Variants in PIK3CA observed in about 807,000 individuals in gnomAD.
The protein encoded by PIK3CA is phosphatidylinositol 4,5-bisphosphate 3-kinase catalytic subunit alpha isoform.
A neutral mutation model predicts 138.2 loss-of-function variants in PIK3CA; 27 were observed. That is an observed-to-expected ratio of 0.20 (90% confidence interval 0.14 to 0.27). The LOEUF (loss-of-function observed/expected upper bound fraction) is 0.27, where lower values mean the gene tolerates loss of function less well. Ranked by LOEUF, PIK3CA falls within the 10% of genes least tolerant of loss-of-function variation. PIK3CA has a pLI of 1.00. For missense variants in PIK3CA, 544 were observed against 1,277.4 expected (o/e 0.43, Z 8.75); for synonymous variants, 358 against 413.2 (o/e 0.87, Z 1.62).
At chr3:179,222,253 A>T (rs910463250) in intron 14 of PIK3CA, among the ~76,000 whole-genome samples, 2 of 152,196 alleles carry the variant, frequency 1.3e-5, no homozygotes, top group African/African-American at 4.8e-5. Context: ...AAAAAATTAA[A>T]ACAAAGTTAT....
intron 1 of PIK3CA, among the ~76,000 whole-genome samples, chr3:179,191,108 A>C (rs896227994): frequency 1.3e-5 from 2 of 152,186 alleles, no homozygotes; most frequent in Non-Finnish European, 2.9e-5. Context: ...CCGTCTTGAT[A>C]AGGGAAACTT....
chr3:179,226,116 A>G, intron 17 of PIK3CA, 76 bp downstream of exon 17: 4 of 760,708 alleles, frequency 5.3e-6, no homozygotes, highest in Admixed American at 2.0e-5. Context: ...ATAGAAGCAT[A>G]TAGAGGCATA....
At chr3:179,222,544 C>T (rs1724991730) in intron 14 of PIK3CA, among the ~76,000 whole-genome samples, 1 of 152,108 alleles carries the variant, frequency 6.6e-6, no homozygotes, top group South Asian at 2.1e-4. Context: ...TTGAAAATAT[C>T]GTACAGGCAA....
chr3:179,202,964 G>A (rs1476377199), intron 4 of PIK3CA, among the ~76,000 whole-genome samples: 2 of 131,798 alleles, frequency 1.5e-5, no homozygotes, highest in African/African-American at 2.9e-5. Flanking sequence ...TTTTTGAGAC[G>A]GAGTCTTGCT....
intron 1 of PIK3CA, among the ~76,000 whole-genome samples, chr3:179,187,185 C>T (rs1576926278): frequency 6.6e-6 from 1 of 152,052 alleles, no homozygotes; most frequent in Non-Finnish European, 1.5e-5. Flanking sequence ...AAGCCTGAAA[C>T]AGTAAGTTCT....
intron 1 of PIK3CA, among the ~76,000 whole-genome samples, chr3:179,150,102 T>A (rs1011613507): frequency 2.0e-5 from 3 of 152,102 alleles, no homozygotes; most frequent in Non-Finnish European, 2.9e-5. Context: ...TGGAAATTTT[T>A]AATTATCAGA....
chr3:179,151,373 T>C (rs1308713273), intron 1 of PIK3CA, among the ~76,000 whole-genome samples: 2 of 152,172 alleles, frequency 1.3e-5, no homozygotes, highest in Non-Finnish European at 2.9e-5. Flanking sequence ...CTGAAGAAAT[T>C]AGGGCCCAAG....
chr3:179,219,669 T>C lies in PIK3CA; in HGVS notation c.1845T>C (p.Ala615=). The change falls in exon 12 of 21, where the codon GCT becomes GCC. Residue 615 remains alanine (A), a synonymous_variant. Coordinates refer to ENST00000263967, the MANE Select transcript of PIK3CA (RefSeq NM_006218.4). The surrounding 1 kb of genome is among the most constrained non-coding windows in gnomAD (Gnocchi z 4.2). ...NYPDPMVRGF[A]VRCLEKYLTD... is the part of the protein sequence containing the mutation. ...CAGATCCTATGGTTCGAGGTTTTGC[T>C]GTTCGGTGCTTGGAAAAATATTTAA... 1.2e-6 allele frequency: 2 copies of C among 1,612,036 alleles called. No individual in the cohort carries two copies. The highest frequency in any genetic ancestry group is 1.7e-6 in the Non-Finnish European group (2 of 1,178,462).
chr3:179,193,544 G>A (rs557032796), intron 1 of PIK3CA, among the ~76,000 whole-genome samples: 1 of 152,320 alleles, frequency 6.6e-6, no homozygotes, highest in Non-Finnish European at 1.5e-5. Context: ...CAATAATCCT[G>A]AAGAGTTTTG....
At chr3:179,154,320 T>C (rs934226999) in intron 1 of PIK3CA, among the ~76,000 whole-genome samples, 1 of 152,120 alleles carries the variant, frequency 6.6e-6, no homozygotes, top group Non-Finnish European at 1.5e-5. Flanking sequence ...CTCTGCCTGT[T>C]GTCGGAGCAG....
Position 179,199,881 on chromosome 3 carries a change from T to C in PIK3CA, c.544T>C (p.Tyr182His), listed in dbSNP as rs1055592960. The C allele has an allele frequency of 1.3e-6, 2 of 1,595,134 alleles. No individual in the cohort carries two copies. Among genetic ancestry groups the C allele is most frequent in the Admixed American group, 1.7e-5 (1 of 59,942 alleles). ...TTCACCAGAATTGCCAAAGCACATA[T>C]ATAATAAATTAGATAAAGGTAAGAA... is the stretch of plus-strand genomic sequence containing the variant. Reference protein sequence around the residue: ...ESSPELPKHIYNKLDKGQIIV... With the variant: ...ESSPELPKHIHNKLDKGQIIV... Residue 182 changes from tyrosine to histidine, a missense_variant, in exon 3 of 21, where the codon TAT (tyrosine) becomes CAT (histidine). Physicochemically the swap from Tyr to His is moderately conservative, Grantham distance 83 (BLOSUM62 2). This residue lies in a region of PIK3CA where 234 missense variants were observed against 401.3 expected (regional missense o/e 0.58). Coordinates refer to ENST00000263967, the MANE Select transcript of PIK3CA (RefSeq NM_006218.4).
At chr3:179,227,055 G>A (rs186740429) in intron 17 of PIK3CA, among the ~76,000 whole-genome samples, 16 of 152,128 alleles carry the variant, frequency 1.1e-4, no homozygotes, top group Non-Finnish European at 1.8e-4. Flanking sequence ...ACCGTGTAAC[G>A]CTGGTTAATT....
intron 1 of PIK3CA, among the ~76,000 whole-genome samples, chr3:179,162,170 G>A (rs1208637623): frequency 1.3e-5 from 2 of 152,060 alleles, no homozygotes; most frequent in Admixed American, 1.3e-4. Context: ...TGCAATGTAT[G>A]CAATACATGT....
intron 1 of PIK3CA, among the ~76,000 whole-genome samples, chr3:179,166,381 C>G (rs1262847294): frequency 6.6e-6 from 1 of 152,180 alleles, no homozygotes; most frequent in Non-Finnish European, 1.5e-5. Flanking sequence ...CCTCCATTTT[C>G]TACCCATAAA....
rs539286107 is a variant in PIK3CA at position 179,231,574 on chromosome 3, T to A, written c.2936+1198T>A. On this transcript the variant is annotated intron_variant, in intron 20 of 20. Coordinates refer to ENST00000263967, the MANE Select transcript of PIK3CA (RefSeq NM_006218.4). ...AATGATGTTGAGCATTTTTTCATGT[T>A]TGTTGACCATTTATATATCTTCTTT... Among the ~76,000 whole-genome samples, 9 of 151,850 alleles carry A rather than the reference T, an allele frequency of 5.9e-5. No homozygotes were observed. In the East Asian group the frequency reaches 1.7e-3, roughly 29 times the overall value.
intron 7 of PIK3CA, 104 bp from the exon 8 acceptor site, chr3:179,210,082 C>A: frequency 1.2e-6 from 1 of 817,658 alleles, no homozygotes; most frequent in Non-Finnish European, 1.9e-6. Flanking sequence ...TAGATATTCC[C>A]ATTATTATAG....
chr3:179,202,539 T>A (rs1037462787), intron 4 of PIK3CA, among the ~76,000 whole-genome samples: 4 of 152,230 alleles, frequency 2.6e-5, no homozygotes, highest in Admixed American at 2.6e-4. Flanking sequence ...GTGCCAAGCA[T>A]ATGTCGAGTA....
At chr3:179,210,116 T>G in intron 7 of PIK3CA, 70 bp from the exon 8 acceptor site, 1 of 1,223,650 alleles carries the variant, frequency 8.2e-7, no homozygotes, top group East Asian at 2.6e-5. Context: ...ATTTTCCTTT[T>G]GGGGAAGAAA....
intron 1 of PIK3CA, among the ~76,000 whole-genome samples, chr3:179,183,687 C>T (rs1454555222): frequency 1.3e-5 from 2 of 152,054 alleles, no homozygotes; most frequent in Non-Finnish European, 2.9e-5. Flanking sequence ...TATAATAGCT[C>T]CTAAGAAAGG....
Sources: allele counts gnomAD v4.1 joint callset (sites outside exome capture counted in the v4.1 genomes callset), GRCh38; gene constraint gnomAD v4.1.1; regional missense constraint gnomAD v4.1.1; non-coding constraint Gnocchi (gnomAD v3.1); transcripts MANE v1.5; gene names NCBI Gene and HGNC (gene_info 2026-07-23, HGNC 2026-07-21).